The following XKR9 variants were observed in gnomAD, a reference collection of about 807,000 sequenced individuals.
The protein encoded by XKR9 is XK related 9, also known as XK-related protein 9.
A neutral mutation model predicts 32.0 loss-of-function variants in XKR9; 32 were observed. The ratio of observed to expected loss-of-function variants is 1.00; its 90% CI spans 0.76 to 1.34. The LOEUF (loss-of-function observed/expected upper bound fraction) is 1.34. Ranked by LOEUF, XKR9 falls within the 40% of genes most tolerant of loss-of-function variation. The pLI is 0.00. For missense variants in XKR9, 546 were observed against 429.7 expected, an observed-to-expected ratio of 1.27 and a Z score of -2.39; for synonymous variants, 168 against 143.4, an observed-to-expected ratio of 1.17 and a Z score of -1.22.
chr8:70,780,219 CT>C (rs1273631720), intron 2 of XKR9, among the ~76,000 whole-genome samples: 2 of 151,204 alleles, frequency 1.3e-5, no homozygotes, highest in Non-Finnish European at 1.5e-5. Flanking sequence ...TTATTTTTCT[CT>C]TTTCTCTTCC....
chr8:70,828,548 A>AC, the XKR9 span, among the ~76,000 whole-genome samples: 1 of 151,846 alleles, frequency 6.6e-6, no homozygotes, highest in South Asian at 2.1e-4. Context: ...ACATGGTGAA[A>AC]CCCCGTCTCT....
intron 3 of XKR9, among the ~76,000 whole-genome samples, chr8:70,694,824 T>A (rs1205850347): frequency 6.6e-6 from 1 of 152,070 alleles, no homozygotes; most frequent in Non-Finnish European, 1.5e-5. Flanking sequence ...TGTACAGGAG[T>A]CTAACATCCT....
chr8:71,046,812 G>C, the XKR9 span, among the ~76,000 whole-genome samples: 8 of 152,348 alleles, frequency 5.3e-5, no homozygotes, highest in African/African-American at 1.9e-4. Context: ...ATTTAGTGGA[G>C]GAATAGCTAT....
intron 4 of XKR9, among the ~76,000 whole-genome samples, chr8:70,733,033 G>A (rs34270993): frequency 1.3e-5 from 2 of 151,980 alleles, no homozygotes; most frequent in Non-Finnish European, 2.9e-5. Context: ...AGGTGAATTG[G>A]TTGAACCCGG....
chr8:71,015,622 G>A, the XKR9 span, among the ~76,000 whole-genome samples: 2 of 152,098 alleles, frequency 1.3e-5, no homozygotes, highest in Non-Finnish European at 2.9e-5. Flanking sequence ...CTTATGGGAA[G>A]GTGACTTTGT....
intron 4 of XKR9, among the ~76,000 whole-genome samples, chr8:70,710,406 A>G (rs1264840949): frequency 6.6e-6 from 1 of 152,198 alleles, no homozygotes; most frequent in Non-Finnish European, 1.5e-5. Flanking sequence ...CAAAGACTAC[A>G]AAAATGATTG....
At chr8:71,032,291 A>T in the XKR9 span, among the ~76,000 whole-genome samples, 6 of 150,464 alleles carry the variant, frequency 4.0e-5, no homozygotes, top group African/African-American at 1.5e-4. Context: ...CAAAAAAAAA[A>T]AAAAAAAAAA....
chr8:70,953,092 C>T, the XKR9 span, among the ~76,000 whole-genome samples: 2 of 152,124 alleles, frequency 1.3e-5, no homozygotes, highest in East Asian at 3.9e-4. Flanking sequence ...AGTCCTCAGC[C>T]TCTGTGTGAG....
At chr8:70,773,594 A>C (rs1376528105) in intron 2 of XKR9, among the ~76,000 whole-genome samples, 1 of 152,064 alleles carries the variant, frequency 6.6e-6, no homozygotes, top group African/African-American at 2.4e-5. Context: ...TGTATGGATC[A>C]GACTTTGGGA....
At chr8:70,903,182 T>C in the XKR9 span, among the ~76,000 whole-genome samples, 3 of 152,204 alleles carry the variant, frequency 2.0e-5, no homozygotes, top group African/African-American at 4.8e-5. Flanking sequence ...ATTCTCTCTT[T>C]TTCTACTGAT....
chr8:70,828,524 G>A, the XKR9 span, among the ~76,000 whole-genome samples: 1 of 152,060 alleles, frequency 6.6e-6, no homozygotes, highest in East Asian at 1.9e-4. Context: ...AGGAGTTCGA[G>A]GCCAGCCTGA....
intron 2 of XKR9, among the ~76,000 whole-genome samples, chr8:70,765,314 G>T (rs1431242222): frequency 6.6e-6 from 1 of 152,122 alleles, no homozygotes. Context: ...ATCTCATTGT[G>T]GTTTTGATTT....
At chr8:70,804,290 C>T in the XKR9 span, among the ~76,000 whole-genome samples, 2 of 152,176 alleles carry the variant, frequency 1.3e-5, no homozygotes, top group East Asian at 1.9e-4. Flanking sequence ...CAGGAGGCTA[C>T]GCCCTTCCAC....
chr8:70,931,043 C>T, the XKR9 span, among the ~76,000 whole-genome samples: 198 of 151,400 alleles, frequency 1.3e-3, no homozygotes, highest in Non-Finnish European at 2.1e-3. Context: ...TAGTAGACTT[C>T]GTGATATTTG....
the XKR9 span, among the ~76,000 whole-genome samples, chr8:70,974,576 C>A: frequency 6.6e-6 from 1 of 152,186 alleles, no homozygotes; most frequent in Admixed American, 6.5e-5. Flanking sequence ...ATGAACCCAT[C>A]CTTTCTTATG....
the XKR9 span, among the ~76,000 whole-genome samples, chr8:70,983,647 G>A: frequency 1.3e-5 from 2 of 152,090 alleles, no homozygotes; most frequent in African/African-American, 4.8e-5. Context: ...TGGGCATGGT[G>A]GCAGGTGCCT....
the XKR9 span, among the ~76,000 whole-genome samples, chr8:70,875,096 A>G: frequency 6.6e-6 from 1 of 152,144 alleles, no homozygotes; most frequent in African/African-American, 2.4e-5. Context: ...TCTTTTATTA[A>G]TGTTAACATA....
chr8:71,015,738 T>C, the XKR9 span, among the ~76,000 whole-genome samples: 6 of 151,940 alleles, frequency 3.9e-5, no homozygotes, highest in Admixed American at 3.9e-4. Flanking sequence ...AAGACTGGAG[T>C]TTCAAAGCCA....
At chr8:70,700,083 C>G (rs1207434146) in intron 3 of XKR9, among the ~76,000 whole-genome samples, 2 of 152,168 alleles carry the variant, frequency 1.3e-5, no homozygotes, top group African/African-American at 4.8e-5. Context: ...ATACATTTGT[C>G]TAAATTTTTT....
Sources: gnomAD v4.1 joint callset for allele counts (sites outside exome capture counted in the v4.1 genomes callset) on GRCh38, gnomAD v4.1.1 for gene constraint, MANE v1.5 for transcripts, NCBI Gene and HGNC (gene_info 2026-07-23, HGNC 2026-07-21) for gene names.